The following FAAH2 variants were observed in gnomAD, a reference collection of about 807,000 sequenced individuals.
FAAH2 encodes the protein fatty acid amide hydrolase 2.
FAAH2 carries 60 observed loss-of-function variants against 36.9 expected under a neutral mutation model. The ratio of observed to expected loss-of-function variants is 1.63; its 90% CI spans 1.32 to 2.02. The LOEUF (loss-of-function observed/expected upper bound fraction) is 2.02. FAAH2 is among the 30% of genes most tolerant of loss of function. The probability of loss-of-function intolerance (pLI) is 0.00; values close to 1 mark genes in which losing one functional copy is unlikely to be tolerated. For missense variants in FAAH2, 689 were observed against 397.5 expected (o/e 1.73, Z -6.23); for synonymous variants, 214 against 143.8 (o/e 1.49, Z -3.49).
chrX:57,406,817 G>A (rs2055577762), intron 7 of FAAH2, among the ~76,000 whole-genome samples: 1 of 112,569 alleles, frequency 8.9e-6, no homozygotes, highest in Admixed American at 9.3e-5. Context: ...TTGAGCCCAG[G>A]TGGTGGGCAC....
chrX:57,318,631 A>T (rs1300997732), intron 3 of FAAH2, among the ~76,000 whole-genome samples: 1 of 112,127 alleles, frequency 8.9e-6, no homozygotes, highest in African/African-American at 3.2e-5. Flanking sequence ...AAACTATTCC[A>T]AACAATAGAA....
At chrX:57,275,453 C>T in the FAAH2 span, among the ~76,000 whole-genome samples, 16 of 112,048 alleles carry the variant, frequency 1.4e-4, no homozygotes, top group African/African-American at 4.5e-4. Flanking sequence ...ACAACCAGTA[C>T]CAGCCACTGC....
chrX:57,388,467 A>AT (rs2055081606), intron 7 of FAAH2, among the ~76,000 whole-genome samples: 1 of 111,071 alleles, frequency 9.0e-6, no homozygotes, highest in Non-Finnish European at 1.9e-5. Flanking sequence ...GTGCTGTTGG[A>AT]TTTTTTTATT....
intron 5 of FAAH2, among the ~76,000 whole-genome samples, chrX:57,350,985 T>C (rs1703655592): frequency 9.0e-6 from 1 of 111,601 alleles, no homozygotes; most frequent in South Asian, 3.6e-4. Context: ...TAAATCTAAA[T>C]GGATGTAATA....
chrX:57,468,060 AC>A (rs1458101296), intron 10 of FAAH2, among the ~76,000 whole-genome samples: 2 of 112,188 alleles, frequency 1.8e-5, no homozygotes, highest in African/African-American at 6.5e-5. Flanking sequence ...AGGAAAACTA[AC>A]AAAAAGAAAG....
the FAAH2 span, among the ~76,000 whole-genome samples, chrX:57,240,154 G>A: frequency 8.9e-6 from 1 of 111,844 alleles, no homozygotes; most frequent in African/African-American, 3.3e-5. Context: ...ATGTGTGTGG[G>A]CTGATGTTCA....
At chrX:57,277,880 C>T in the FAAH2 span, among the ~76,000 whole-genome samples, 322 of 111,443 alleles carry the variant, frequency 2.9e-3, 3 homozygotes, top group African/African-American at 9.9e-3. Flanking sequence ...GGTGAAGGAC[C>T]TCTTCAAGGA....
intron 4 of FAAH2, 152 bp downstream of exon 4, chrX:57,331,959 G>T (rs2053420091): frequency 3.8e-6 from 2 of 527,411 alleles, no homozygotes; most frequent in African/African-American, 2.3e-5. Context: ...GAAGAAATGG[G>T]AGTCATGTAA....
chrX:57,336,629 C>T (rs1414194990), intron 4 of FAAH2, among the ~76,000 whole-genome samples: 1 of 111,650 alleles, frequency 9.0e-6, no homozygotes. Context: ...CAACCTGCTC[C>T]GGAATGACTT....
the FAAH2 span, among the ~76,000 whole-genome samples, chrX:57,195,638 T>A: frequency 8.9e-6 from 1 of 112,255 alleles, no homozygotes; most frequent in African/African-American, 3.2e-5. Context: ...GTGTTTTTGT[T>A]GCATTTACTT....
chrX:57,214,328 A>T, the FAAH2 span, among the ~76,000 whole-genome samples: 2 of 112,309 alleles, frequency 1.8e-5, no homozygotes, highest in East Asian at 2.8e-4. Context: ...GTTTTGTTCC[A>T]TCATAATGTT....
At chrX:57,301,206 C>T (rs2052351804) in intron 2 of FAAH2, among the ~76,000 whole-genome samples, 1 of 109,175 alleles carries the variant, frequency 9.2e-6, no homozygotes, top group Non-Finnish European at 1.9e-5. Context: ...AGACTTGGAA[C>T]CAACCGAAAT....
In FAAH2 at chrX:57,472,238, C is replaced by G. The variant is rs576008993; in HGVS notation, c.1424-16519C>G. ...CAATGGCAACAAAAGCCACAATTGA[C>G]AAATGGAATCTAATTATACTAAGGC... On this transcript the variant is annotated intron_variant, in intron 10 of 10. Coordinates refer to ENST00000374900, the MANE Select transcript of FAAH2 (RefSeq NM_174912.4). 3.7e-4 allele frequency among the ~76,000 whole-genome samples: 41 copies of G among 112,020 alleles called. No homozygotes were observed. In the South Asian group the frequency reaches 7.4e-3, roughly 20 times the overall value.
chrX:57,311,755 C>A (rs1186320060), intron 3 of FAAH2, among the ~76,000 whole-genome samples: 1 of 112,296 alleles, frequency 8.9e-6, no homozygotes, highest in Non-Finnish European at 1.9e-5. Flanking sequence ...ATAACAGCCC[C>A]TGCAGCCCAA....
At chrX:57,127,962 C>G in the FAAH2 span, among the ~76,000 whole-genome samples, 6 of 111,978 alleles carry the variant, frequency 5.4e-5, no homozygotes, top group Non-Finnish European at 7.5e-5. Context: ...TCTAAAACAT[C>G]TTCTTTATAA....
chrX:57,255,893 C>G, the FAAH2 span, among the ~76,000 whole-genome samples: 1 of 111,754 alleles, frequency 8.9e-6, no homozygotes, highest in Non-Finnish European at 1.9e-5. Context: ...TCTCACCACT[C>G]CTATTCAACA....
chrX:57,382,854 C>T (rs1225937553), intron 7 of FAAH2, among the ~76,000 whole-genome samples: 4 of 111,442 alleles, frequency 3.6e-5, no homozygotes, highest in Non-Finnish European at 7.5e-5. Context: ...GATACCAAAG[C>T]CTGGCAGAGA....
intron 7 of FAAH2, chrX:57,394,646 G>A (rs905034267): frequency 1.4e-5 from 14 of 981,569 alleles, no homozygotes; most frequent in African/African-American, 9.6e-5. Flanking sequence ...GGGCCTCGTC[G>A]TATGCCACAT....
intron 8 of FAAH2, among the ~76,000 whole-genome samples, chrX:57,432,795 A>G (rs1290191868): frequency 9.0e-6 from 1 of 111,441 alleles, no homozygotes; most frequent in African/African-American, 3.3e-5. Context: ...GCTACCTCCT[A>G]GTTTTGTTAT....
Sources: allele counts gnomAD v4.1 joint callset (sites outside exome capture counted in the v4.1 genomes callset), GRCh38; gene constraint gnomAD v4.1.1; transcripts MANE v1.5; gene names NCBI Gene and HGNC (gene_info 2026-07-23, HGNC 2026-07-21).